CYB5A: variants seen among roughly 807,000 people sequenced by gnomAD.
The protein encoded by CYB5A is cytochrome b5 type A.
A neutral mutation model predicts 16.2 loss-of-function variants in CYB5A; 10 were observed. The observed-to-expected ratio is 0.62, with a 90% CI of 0.38 to 1.04. The LOEUF (loss-of-function observed/expected upper bound fraction) is 1.04. Among genes scored for constraint, CYB5A ranks in the 50% least tolerant of loss-of-function variants. CYB5A has a pLI of 0.01. For missense variants in CYB5A, 161 were observed against 165.9 expected, an observed-to-expected ratio of 0.97 and a Z score of 0.16; for synonymous variants, 62 against 57.0, an observed-to-expected ratio of 1.09 and a Z score of -0.40.
intron 1 of CYB5A, among the ~76,000 whole-genome samples, chr18:74,286,983 C>G (rs1005686600): frequency 1.3e-4 from 20 of 152,086 alleles, no homozygotes; most frequent in Non-Finnish European, 2.8e-4. Flanking sequence ...AAAGTAGCAA[C>G]AGGTTACCAA....
intron 1 of CYB5A, among the ~76,000 whole-genome samples, chr18:74,276,387 A>G (rs1203446555): frequency 1.3e-5 from 2 of 152,212 alleles, no homozygotes; most frequent in African/African-American, 2.4e-5. Context: ...ATCTTTAAAT[A>G]TAAAAAGATG....
At position 74,253,508 on chromosome 18, in the gene CYB5A, T is replaced by C. The variant is rs1981842408; in HGVS notation, c.*76A>G. The C allele has an allele frequency of 3.6e-6, 3 of 844,134 alleles. No homozygotes were observed. The highest frequency in any genetic ancestry group is 4.1e-6 in the Non-Finnish European group (2 of 492,424). The allele number at this position is 844,134 out of a possible 1,614,324, so 52.3% of individuals were successfully genotyped here. A position where few individuals can be genotyped will look rare whatever the true frequency, so the allele number is the denominator to read the frequency against. On this transcript the variant is annotated 3_prime_UTR_variant, in exon 5 of 5. Coordinates refer to ENST00000340533, the MANE Select transcript of CYB5A (RefSeq NM_148923.4). Reference sequence around the variant, plus strand: ...GTTTTCAAGTGAAGGTTTCTGTCAGTTGAAGTAGTTAGCAATGGCTTCTTT... The same window carrying C: ...GTTTTCAAGTGAAGGTTTCTGTCAGCTGAAGTAGTTAGCAATGGCTTCTTT...
chr18:74,258,855 T>C (rs1239159015), intron 3 of CYB5A: 2 of 152,196 alleles, frequency 1.3e-5, no homozygotes, highest in Non-Finnish European at 2.9e-5. Context: ...TAAAAACATC[T>C]ACTTTAGGCT....
chr18:74,289,416 G>A (rs77218854), intron 1 of CYB5A, among the ~76,000 whole-genome samples: 19,492 of 152,126 alleles, frequency 0.13, 1,341 homozygotes, highest in East Asian at 0.22. Context: ...TAATTCTCAA[G>A]TTGGAGAGAT....
At chr18:74,255,111 T>C (rs1182971239) in intron 4 of CYB5A, among the ~76,000 whole-genome samples, 2 of 152,192 alleles carry the variant, frequency 1.3e-5, no homozygotes, top group East Asian at 3.9e-4. Context: ...AGGCAGGGAA[T>C]ATTCCAGAAC....
chr18:74,291,606 T>C, intron 1 of CYB5A, 141 bp downstream of exon 1: 1 of 1,305,562 alleles, frequency 7.7e-7, no homozygotes, highest in Non-Finnish European at 1.1e-6. Context: ...CGCCCAGGCG[T>C]ACACGCGCAG....
intron 1 of CYB5A, among the ~76,000 whole-genome samples, chr18:74,268,239 G>T (rs1462136229): frequency 6.6e-6 from 1 of 152,200 alleles, no homozygotes; most frequent in Non-Finnish European, 1.5e-5. Context: ...GTGCCATGAA[G>T]AATATGACAC....
chr18:74,271,836 T>C (rs900072665), intron 1 of CYB5A, among the ~76,000 whole-genome samples: 1 of 152,218 alleles, frequency 6.6e-6, no homozygotes, highest in African/African-American at 2.4e-5. Flanking sequence ...AACTGACTCA[T>C]GCAAGGAGAG....
At chr18:74,282,615 G>C (rs1983161807) in intron 1 of CYB5A, among the ~76,000 whole-genome samples, 1 of 152,192 alleles carries the variant, frequency 6.6e-6, no homozygotes, top group Admixed American at 6.5e-5. Context: ...GCACAAAACG[G>C]GATGGGACAC....
chr18:74,281,799 G>C (rs969140953), intron 1 of CYB5A, among the ~76,000 whole-genome samples: 4 of 148,426 alleles, frequency 2.7e-5, no homozygotes, highest in Non-Finnish European at 5.9e-5. Context: ...AAGGGAATAT[G>C]TGTGTTTTTG....
chr18:74,268,777 C>G (rs1982551198), intron 1 of CYB5A, among the ~76,000 whole-genome samples: 1 of 152,066 alleles, frequency 6.6e-6, no homozygotes, highest in Non-Finnish European at 1.5e-5. Flanking sequence ...GAAGATGGGG[C>G]CAAATGCTGA....
chr18:74,284,563 A>G (rs117248976), intron 1 of CYB5A, among the ~76,000 whole-genome samples: 2 of 152,222 alleles, frequency 1.3e-5, no homozygotes, highest in East Asian at 3.8e-4. Flanking sequence ...TCTGCCAAGA[A>G]CAAACAATAG....
chr18:74,284,966 C>T (rs981412490), intron 1 of CYB5A, among the ~76,000 whole-genome samples: 13 of 152,218 alleles, frequency 8.5e-5, no homozygotes, highest in African/African-American at 3.1e-4. Context: ...AGCTCACCCT[C>T]CCGGTCCCCA....
At chr18:74,268,647 G>A (rs1323715710) in intron 1 of CYB5A, among the ~76,000 whole-genome samples, 1 of 152,186 alleles carries the variant, frequency 6.6e-6, no homozygotes, top group Non-Finnish European at 1.5e-5. Context: ...GGGGGCAGCT[G>A]CAGGTGCAAG....
At chr18:74,260,643 A>T (rs1480652229) in intron 3 of CYB5A, 3 of 497,308 alleles carry the variant, frequency 6.0e-6, no homozygotes, top group Admixed American at 2.7e-5. Flanking sequence ...TACCATAAAA[A>T]GTAGCTCTTC....
At chr18:74,256,722 C>A (rs986208722) in intron 3 of CYB5A, 2 of 979,964 alleles carry the variant, frequency 2.0e-6, no homozygotes, top group African/African-American at 1.6e-5. Context: ...CAATCAGCGG[C>A]CTGCAGTAAG....
At chr18:74,258,686 T>C (rs1336861267) in intron 3 of CYB5A, 1 of 152,188 alleles carries the variant, frequency 6.6e-6, no homozygotes, top group Non-Finnish European at 1.5e-5. Context: ...TGCTCATGTA[T>C]TTCCTTTCAT....
At chr18:74,282,203 G>C (rs1461358592) in intron 1 of CYB5A, among the ~76,000 whole-genome samples, 3 of 152,200 alleles carry the variant, frequency 2.0e-5, no homozygotes, top group African/African-American at 7.2e-5. Context: ...CAAAATCCCA[G>C]GCCAAGGCCT....
Position 74,251,412 on chromosome 18 carries a change from G to A in CYB5A, c.*2172C>T, listed in dbSNP as rs1373049186. Reference sequence around the variant, plus strand: ...ACTCAAAGCAGGAGGGAGCTTCCAGGTCACAGAGAGGTGAGACACAAAGGG... The same window carrying A: ...ACTCAAAGCAGGAGGGAGCTTCCAGATCACAGAGAGGTGAGACACAAAGGG... On this transcript the variant is annotated 3_prime_UTR_variant, in exon 5 of 5. Coordinates refer to ENST00000340533, the MANE Select transcript of CYB5A (RefSeq NM_148923.4). 2.0e-5 allele frequency: 3 copies of A among 152,308 alleles called. No homozygotes were observed. Among genetic ancestry groups the A allele is most frequent in the African/African-American group, 7.2e-5 (3 of 41,432 alleles). The allele number at this position is 152,308 out of a possible 1,614,324, so 9.4% of individuals were successfully genotyped here. A position where few individuals can be genotyped will look rare whatever the true frequency, so the allele number is the denominator to read the frequency against.
Sources: allele counts gnomAD v4.1 joint callset (sites outside exome capture counted in the v4.1 genomes callset), GRCh38; gene constraint gnomAD v4.1.1; transcripts MANE v1.5; gene names NCBI Gene and HGNC (gene_info 2026-07-23, HGNC 2026-07-21).